Variants in USP32 observed in about 807,000 individuals in gnomAD.
USP32 encodes the protein ubiquitin specific peptidase 32.
USP32 carries 59 observed loss-of-function variants against 204.8 expected under a neutral mutation model. That is an observed-to-expected ratio of 0.29 (90% confidence interval 0.23 to 0.36). USP32 has a LOEUF of 0.36. Among genes scored for constraint, USP32 ranks in the 10% least tolerant of loss-of-function variants. USP32 has a pLI of 1.00. For missense variants in USP32, 1,160 were observed against 1,946.4 expected (o/e 0.60, Z 7.60); for synonymous variants, 517 against 678.4 (o/e 0.76, Z 3.70).
At chr17:60,235,262 T>C (rs2085690539) in intron 12 of USP32, among the ~76,000 whole-genome samples, 1 of 152,230 alleles carries the variant, frequency 6.6e-6, no homozygotes, top group Non-Finnish European at 1.5e-5. Context: ...TGACTGATGC[T>C]GTACCCCAAT....
At chr17:60,361,754 T>C (rs2089211754) in intron 1 of USP32, among the ~76,000 whole-genome samples, 1 of 152,216 alleles carries the variant, frequency 6.6e-6, no homozygotes, top group Admixed American at 6.5e-5. Context: ...ACTTATCCTG[T>C]CATTCAGAAG....
chr17:60,335,265 G>A (rs1429661665), intron 2 of USP32, among the ~76,000 whole-genome samples: 1 of 142,452 alleles, frequency 7.0e-6, no homozygotes, highest in Non-Finnish European at 1.5e-5. Flanking sequence ...CACCACACCC[G>A]GCCCTCCATT....
At chr17:60,313,053 C>T (rs2145921932) in intron 2 of USP32, among the ~76,000 whole-genome samples, 1 of 152,192 alleles carries the variant, frequency 6.6e-6, no homozygotes, top group South Asian at 2.1e-4. Flanking sequence ...GAGTTTGAAA[C>T]CAGCCTGGCC....
chr17:60,351,715 AC>A (rs528785104), intron 1 of USP32, among the ~76,000 whole-genome samples: 136 of 152,378 alleles, frequency 8.9e-4, no homozygotes, highest in Non-Finnish European at 1.7e-3. Flanking sequence ...GGCGTGAGCC[AC>A]CAAGCCCAGC....
At chr17:60,247,012 T>C (rs1161409517) in intron 11 of USP32, among the ~76,000 whole-genome samples, 4 of 152,238 alleles carry the variant, frequency 2.6e-5, no homozygotes, top group Non-Finnish European at 5.9e-5. Context: ...CTGTTTCCTT[T>C]GCTGTAAAGC....
At chr17:60,415,777 T>C (rs1005446322) in intron 1 of USP32, among the ~76,000 whole-genome samples, 2 of 152,186 alleles carry the variant, frequency 1.3e-5, no homozygotes, top group African/African-American at 2.4e-5. Flanking sequence ...TTGGATAATT[T>C]GGAGCAAGAA....
intron 13 of USP32, among the ~76,000 whole-genome samples, chr17:60,223,939 A>G (rs1207492631): frequency 1.3e-5 from 2 of 152,204 alleles, no homozygotes; most frequent in Non-Finnish European, 1.5e-5. Context: ...TCAAACTAGA[A>G]AAATATTCCA....
At chr17:60,297,540 C>T (rs529838882) in intron 3 of USP32, among the ~76,000 whole-genome samples, 3 of 152,002 alleles carry the variant, frequency 2.0e-5, no homozygotes, top group Admixed American at 6.5e-5. Flanking sequence ...CCTCCACCTC[C>T]TGGATTCAAG....
At chr17:60,320,457 C>T (rs1033081956) in intron 2 of USP32, among the ~76,000 whole-genome samples, 5 of 151,986 alleles carry the variant, frequency 3.3e-5, no homozygotes, top group Non-Finnish European at 7.4e-5. Context: ...TCCCATCACA[C>T]GGCACACTCA....
intron 26 of USP32, 69 bp from the exon 27 acceptor site, chr17:60,198,513 A>G: frequency 6.4e-7 from 1 of 1,566,514 alleles, no homozygotes; most frequent in Non-Finnish European, 8.7e-7. Flanking sequence ...TAGTTCTTCT[A>G]AATGCCTGCC....
chr17:60,243,989 C>T lies in USP32; in HGVS notation c.1137-7749G>A, dbSNP rs192084181. ...GTTTTATCTTTTATTCTTTTACTTT[C>T]AACCTATTTGTGCCTTTGAATCTCA... On this transcript the variant is annotated intron_variant, in intron 11 of 33. Coordinates refer to ENST00000300896, the MANE Select transcript of USP32 (RefSeq NM_032582.4). Among the ~76,000 whole-genome samples, 681 of 149,130 alleles carry T rather than the reference C, an allele frequency of 4.6e-3. 1 individual carries two copies. Among genetic ancestry groups the T allele is most frequent in the Admixed American group, 0.01 (156 of 14,990 alleles).
Position 60,294,814 on chromosome 17 carries a change from AAGAT to A in USP32, c.293-17_293-14del, listed in dbSNP as rs756830486. 3 of 1,545,554 alleles carry A rather than the reference AAGAT, an allele frequency of 1.9e-6. No individual in the cohort carries two copies. The African/African-American group carries it at 4.1e-5, about 21-fold the overall frequency. The stretch of plus-strand genomic sequence containing the variant: ...AGACTAAAAATGTCTAAGAAAAAGA[AAGAT>A]AGAATAAATTAATCTTAACAAAGAC... On this transcript the variant is annotated splice_polypyrimidine_tract_variant and intron_variant, in intron 3 of 33. Transcript: ENST00000300896.
Position 60,211,131 on chromosome 17 carries a change from G to C in USP32, c.2319-13C>G, listed in dbSNP as rs1433506963. On this transcript the variant is annotated splice_polypyrimidine_tract_variant and intron_variant, in intron 20 of 33. Transcript: ENST00000300896. ...AATGGGATTTGTCCTAGAAGTTTGAGAGGAAAATTTGTTGCCAAAGATTCT... is the reference window on the plus strand; with the variant it reads ...AATGGGATTTGTCCTAGAAGTTTGACAGGAAAATTTGTTGCCAAAGATTCT... 2.5e-6 allele frequency: 4 copies of C among 1,605,186 alleles called. No individual in the cohort carries two copies. The highest frequency in any genetic ancestry group is 3.4e-6 in the Non-Finnish European group (4 of 1,175,096).
intron 26 of USP32, among the ~76,000 whole-genome samples, chr17:60,204,538 C>T (rs532756132): frequency 6.7e-5 from 10 of 148,412 alleles, no homozygotes; most frequent in Non-Finnish European, 1.2e-4. Flanking sequence ...GCGCAATCTT[C>T]GCTCACTGCA....
chr17:60,348,146 G>T (rs942922105), intron 1 of USP32, among the ~76,000 whole-genome samples: 1 of 151,900 alleles, frequency 6.6e-6, no homozygotes, highest in Non-Finnish European at 1.5e-5. Flanking sequence ...AGTAAGTCAG[G>T]AAAAAAGATG....
chr17:60,239,270 T>C (rs944080125), intron 11 of USP32, among the ~76,000 whole-genome samples: 6 of 152,352 alleles, frequency 3.9e-5, no homozygotes, highest in African/African-American at 1.4e-4. Flanking sequence ...CTCTCTTTGT[T>C]CTTGGCTTTG....
rs1346312751 is a variant in USP32 at position 60,226,158 on chromosome 17, T to C, written c.1313A>G (p.His438Arg). 1.9e-6 allele frequency: 3 copies of C among 1,604,856 alleles called. No individual in the cohort carries two copies. Among genetic ancestry groups the C allele is most frequent in the East Asian group, 2.3e-5 (1 of 44,238 alleles). Residue 438 changes from histidine (H) to arginine (R), a missense_variant, in exon 13 of 34, where the codon CAT becomes CGT. By Grantham distance (29) the His-to-Arg change is conservative. Around this residue, in one of 8 missense-constraint regions of USP32, gnomAD observed 536 missense variants for 680.9 expected, o/e 0.79. Transcript: ENST00000300896. Reference sequence around the variant, plus strand: ...TCTATCTTCGACCTGCTCCATAGGATGGGCTGCAGTTCCAAATGAGTATTT... The same window carrying C: ...TCTATCTTCGACCTGCTCCATAGGACGGGCTGCAGTTCCAAATGAGTATTT... ...GGKYSFGTAAHPMEQVEDRIG... is the reference protein window; with the variant it reads ...GGKYSFGTAARPMEQVEDRIG...
intron 26 of USP32, 82 bp from the exon 27 acceptor site, chr17:60,198,526 T>TG: frequency 1.3e-6 from 2 of 1,500,184 alleles, no homozygotes; most frequent in Non-Finnish European, 1.8e-6. Context: ...TGCCTGCCAA[T>TG]GACAGGCACT....
Position 60,265,990 on chromosome 17 carries a change from T to G in USP32, c.913A>C (p.Thr305Pro). Reference sequence around the variant, plus strand: ...TCATAACTTACAGGAATATCATCAGTGCGGTTGTCCTTCCAGACTTCTAAA... The same window carrying G: ...TCATAACTTACAGGAATATCATCAGGGCGGTTGTCCTTCCAGACTTCTAAA... ...ALLEVWKDNR[T>P]DDIPELHMDL... Residue 305 changes from threonine (T) to proline (P), a missense_variant, in exon 8 of 34, where the codon ACT becomes CCT. Physicochemically the swap from Thr to Pro is conservative, Grantham distance 38 (BLOSUM62 -1). Coordinates refer to ENST00000300896, the MANE Select transcript of USP32 (RefSeq NM_032582.4). 1 of 1,613,714 alleles carries G rather than the reference T, an allele frequency of 6.2e-7. No homozygotes were observed.
Sources: gnomAD v4.1 joint callset for allele counts (sites outside exome capture counted in the v4.1 genomes callset) on GRCh38, gnomAD v4.1.1 for gene constraint, gnomAD v4.1.1 regional missense constraint, MANE v1.5 for transcripts, NCBI Gene and HGNC (gene_info 2026-07-23, HGNC 2026-07-21) for gene names.